EIF4E3: variants seen among roughly 807,000 people sequenced by gnomAD.
EIF4E3 encodes eukaryotic translation initiation factor 4E type 3.
EIF4E3 carries 26 observed loss-of-function variants against 31.7 expected under a neutral mutation model. That is an observed-to-expected ratio of 0.82 (90% CI 0.60 to 1.14). The LOEUF (loss-of-function observed/expected upper bound fraction) is 1.14. Ranked by LOEUF, EIF4E3 falls within the 50% of genes most tolerant of loss-of-function variation. The pLI is 0.00. For synonymous variants in EIF4E3, 128 were observed against 107.7 expected, an observed-to-expected ratio of 1.19 and a Z score of -1.17; for missense variants, 304 against 270.9, an observed-to-expected ratio of 1.12 and a Z score of -0.86.
intron 6 of EIF4E3, among the ~76,000 whole-genome samples, chr3:71,685,852 G>A (rs2048984100): frequency 1.3e-5 from 2 of 152,338 alleles, no homozygotes; most frequent in East Asian, 1.9e-4. Flanking sequence ...TGATAAAGGT[G>A]GGGTGATTCA....
intron 3 of EIF4E3, among the ~76,000 whole-genome samples, chr3:71,699,268 A>C (rs35269191): frequency 6.6e-6 from 1 of 151,998 alleles, no homozygotes; most frequent in African/African-American, 2.4e-5. Context: ...AACAAAAAAA[A>C]CCCCACAAAA....
At chr3:71,667,790 A>T in the EIF4E3 span, among the ~76,000 whole-genome samples, 61 of 152,306 alleles carry the variant, frequency 4.0e-4, no homozygotes, top group Admixed American at 1.6e-3. Flanking sequence ...CCTGCTCATG[A>T]ATAGGAAGAA....
chr3:71,713,970 G>C (rs1009222115), intron 1 of EIF4E3, among the ~76,000 whole-genome samples: 9 of 152,094 alleles, frequency 5.9e-5, no homozygotes, highest in African/African-American at 2.2e-4. Flanking sequence ...CTGCACTCTG[G>C]GAGGCCGAGG....
At chr3:71,702,477 C>T (rs530716797) in intron 2 of EIF4E3, among the ~76,000 whole-genome samples, 1 of 152,260 alleles carries the variant, frequency 6.6e-6, no homozygotes, top group South Asian at 2.1e-4. Flanking sequence ...TACAACAAAA[C>T]ACTTCTTCCA....
chr3:71,743,194 C>T (rs142930548), intron 1 of EIF4E3, among the ~76,000 whole-genome samples: 22 of 152,232 alleles, frequency 1.4e-4, no homozygotes, highest in South Asian at 6.2e-4. Flanking sequence ...ACTGAAAAAA[C>T]GGTAACATTG....
the EIF4E3 span, among the ~76,000 whole-genome samples, chr3:71,662,588 G>A: frequency 6.6e-6 from 1 of 152,218 alleles, no homozygotes; most frequent in Admixed American, 6.5e-5. Flanking sequence ...AAAATGCAAT[G>A]TTAAAAATCT....
intron 1 of EIF4E3, among the ~76,000 whole-genome samples, chr3:71,731,522 G>A (rs1488261988): frequency 2.0e-5 from 3 of 152,146 alleles, no homozygotes; most frequent in South Asian, 2.1e-4. Context: ...TCCAGTCCAA[G>A]TGGGGAGGGC....
At chr3:71,665,394 G>A in the EIF4E3 span, among the ~76,000 whole-genome samples, 4 of 152,346 alleles carry the variant, frequency 2.6e-5, no homozygotes, top group South Asian at 8.3e-4. Context: ...CACATGGGTA[G>A]TGGCTTTAAA....
chr3:71,706,267 C>T (rs2049291549), intron 2 of EIF4E3, among the ~76,000 whole-genome samples: 1 of 152,164 alleles, frequency 6.6e-6, no homozygotes, highest in Admixed American at 6.5e-5. Flanking sequence ...ATGACTGGCT[C>T]TTTCCAATCA....
chr3:71,672,122 C>A (rs538712058), downstream of EIF4E3, among the ~76,000 whole-genome samples: 6 of 152,310 alleles, frequency 3.9e-5, no homozygotes, highest in East Asian at 1.2e-3. Context: ...CCTGCCTTAA[C>A]AGGTACATAA....
intron 1 of EIF4E3, among the ~76,000 whole-genome samples, chr3:71,724,130 C>CG (rs1427815797): frequency 1.3e-5 from 2 of 152,192 alleles, no homozygotes; most frequent in African/African-American, 4.8e-5. Context: ...AGAATAGACA[C>CG]GGTTTCATCA....
In EIF4E3 at chr3:71,684,702, C is replaced by T. The variant is rs1342512281; in HGVS notation, c.655G>A (p.Gly219Ser). 1 of 1,613,568 alleles carries T rather than the reference C, an allele frequency of 6.2e-7. No homozygotes were observed. Among genetic ancestry groups the T allele is most frequent in the Non-Finnish European group, 8.5e-7 (1 of 1,179,880 alleles). The stretch of plus-strand genomic sequence containing the variant: ...TGCAATTAGTGTTTTCCACGTCCAC[C>T]TTCAAAAGCATGATGCTCTTCATGG... ...KPHEEHHAFE[G>S]GRGKH is the part of the protein sequence containing the mutation. The change falls in exon 7 of 7, where the codon GGT (glycine) becomes AGT (serine). Residue 219 changes from glycine to serine, a missense_variant. Physicochemically the swap from Gly to Ser is moderately conservative, Grantham distance 56 (BLOSUM62 0). Transcript: ENST00000425534.
At chr3:71,726,280 A>G (rs1412316695), upstream of EIF4E3, among the ~76,000 whole-genome samples, 1 of 152,176 alleles carries the variant, frequency 6.6e-6, no homozygotes, top group Non-Finnish European at 1.5e-5. Context: ...AGTCGGGAGG[A>G]GGAAAGCGGG....
intron 1 of EIF4E3, among the ~76,000 whole-genome samples, chr3:71,713,761 T>C (rs2049417176): frequency 6.6e-6 from 1 of 152,136 alleles, no homozygotes; most frequent in African/African-American, 2.4e-5. Flanking sequence ...TAATACAAGA[T>C]TGTATTCATA....
upstream of EIF4E3, chr3:71,754,046 C>G (rs1456666263): frequency 1.0e-5 from 13 of 1,245,570 alleles, no homozygotes; most frequent in Non-Finnish European, 1.2e-5. The surrounding 1 kb of genome is among the most constrained non-coding windows in gnomAD (Gnocchi z 5.8). Context: ...CTGGTGAGGC[C>G]GCGATGGCGA....
At chr3:71,694,862 TTA>T (rs2049113442) in intron 4 of EIF4E3, among the ~76,000 whole-genome samples, 1 of 152,224 alleles carries the variant, frequency 6.6e-6, no homozygotes, top group Non-Finnish European at 1.5e-5. Context: ...CACAAAGGGC[TTA>T]GTACAATGAC....
rs1191337292 is a variant in EIF4E3 at position 71,677,392 on chromosome 3, A to G, written c.*7290T>C. On this transcript the variant is annotated 3_prime_UTR_variant, in exon 7 of 7. Coordinates refer to ENST00000425534, the MANE Select transcript of EIF4E3 (RefSeq NM_001134651.2). ...TTCTTTAATAGCAGTTACTGCAGCG[A>G]AAGGATCACTGAGGAAGAAAAGGCA... The G allele has an allele frequency of 3.3e-5, 5 of 152,202 alleles. No homozygotes were observed. Among genetic ancestry groups the G allele is most frequent in the Non-Finnish European group, 7.3e-5 (5 of 68,034 alleles). The allele number at this position is 152,202 out of a possible 1,614,324, so 9.4% of individuals were successfully genotyped here. A position where few individuals can be genotyped will look rare whatever the true frequency, so the allele number is the denominator to read the frequency against.
chr3:71,750,254 T>C (rs1476125925), intron 1 of EIF4E3, among the ~76,000 whole-genome samples: 2 of 152,154 alleles, frequency 1.3e-5, no homozygotes, highest in Admixed American at 6.5e-5. Context: ...TCAGAAATCA[T>C]TTGGTCCAAC....
intron 5 of EIF4E3, 77 bp from the exon 6 acceptor site, chr3:71,690,242 T>C (rs2049047332): frequency 7.0e-7 from 1 of 1,433,582 alleles, no homozygotes. Flanking sequence ...ACTTAGTCTT[T>C]TTATCTGAAA....
Sources: gnomAD v4.1 joint callset for allele counts (sites outside exome capture counted in the v4.1 genomes callset) on GRCh38, gnomAD v4.1.1 for gene constraint, Gnocchi (gnomAD v3.1) non-coding constraint, MANE v1.5 for transcripts, NCBI Gene and HGNC (gene_info 2026-07-23, HGNC 2026-07-21) for gene names.